Variants in ROBO2 observed in about 807,000 individuals in gnomAD.
ROBO2 encodes the protein roundabout guidance receptor 2.
In ROBO2, 53 loss-of-function variants were observed where a neutral mutation model predicts 160.8. That is an observed-to-expected ratio of 0.33 (90% CI 0.26 to 0.41). The LOEUF is 0.41. Ranked by LOEUF, ROBO2 falls within the 10% of genes least tolerant of loss-of-function variation. The pLI, the probability that ROBO2 is intolerant of heterozygous loss-of-function variation, is 1.00. For synonymous variants in ROBO2, 664 were observed against 611.7 expected, an observed-to-expected ratio of 1.09 and a Z score of -1.26; for missense variants, 1,577 against 1,722.4, an observed-to-expected ratio of 0.92 and a Z score of 1.49.
At chr3:76,837,882 T>C (rs1407855549) in intron 2 of ROBO2, among the ~76,000 whole-genome samples, 1 of 152,052 alleles carries the variant, frequency 6.6e-6, no homozygotes, top group Non-Finnish European at 1.5e-5. Context: ...TCATCTATGA[T>C]CCACTGGAAG....
intron 2 of ROBO2, among the ~76,000 whole-genome samples, chr3:76,515,482 T>C (rs2107803373): frequency 6.7e-6 from 1 of 150,310 alleles, no homozygotes; most frequent in South Asian, 2.1e-4. Context: ...TCATTATTTC[T>C]TACACGCCTG....
At chr3:76,485,088 G>A (rs972985616) in intron 2 of ROBO2, among the ~76,000 whole-genome samples, 3 of 151,992 alleles carry the variant, frequency 2.0e-5, no homozygotes, top group African/African-American at 4.8e-5. Context: ...CGGTGGTGGC[G>A]GGGATGGTTT....
intron 2 of ROBO2, among the ~76,000 whole-genome samples, chr3:76,119,960 TCCTTCCTTCCTTCCTC>T: frequency 7.2e-6 from 1 of 138,340 alleles, no homozygotes; most frequent in Non-Finnish European, 1.6e-5. Flanking sequence ...CTTCCTTCCT[TCCTTCCTTCCTTCCTC>T]TCTCTTTCTT....
intron 2 of ROBO2, among the ~76,000 whole-genome samples, chr3:77,421,218 T>A (rs1346106040): frequency 6.6e-6 from 1 of 152,174 alleles, no homozygotes; most frequent in Non-Finnish European, 1.5e-5. Context: ...CACAGGACAT[T>A]TGTTTTCCTG....
intron 2 of ROBO2, among the ~76,000 whole-genome samples, chr3:76,458,772 A>C (rs1577341588): frequency 1.3e-5 from 2 of 149,256 alleles, no homozygotes; most frequent in East Asian, 4.1e-4. Context: ...GGCAAGAGAA[A>C]ATGAGGAAGA....
At chr3:77,039,931 T>C in exon 1 of ROBO2, 1 of 202,894 alleles carries the variant, frequency 4.9e-6, no homozygotes, top group Non-Finnish European at 8.7e-6. Flanking sequence ...GCGCTCCCTT[T>C]CTCCGCCGCG....
chr3:76,218,661 A>G (rs1303701846), intron 2 of ROBO2, among the ~76,000 whole-genome samples: 7 of 152,218 alleles, frequency 4.6e-5, no homozygotes, highest in Non-Finnish European at 1.0e-4. Flanking sequence ...AGGAAATAAA[A>G]GACGATACAA....
chr3:77,487,211 T>A (rs2153595368), intron 4 of ROBO2, among the ~76,000 whole-genome samples: 1 of 152,228 alleles, frequency 6.6e-6, no homozygotes, highest in African/African-American at 2.4e-5. Flanking sequence ...ACATGAGGTG[T>A]TATTAAGATT....
intron 2 of ROBO2, among the ~76,000 whole-genome samples, chr3:76,597,082 A>G (rs1578406306): frequency 6.6e-6 from 1 of 152,278 alleles, no homozygotes; most frequent in East Asian, 1.9e-4. Context: ...AATGAATCCA[A>G]CATAAACCTC....
At chr3:76,807,225 A>G (rs1441045704) in intron 2 of ROBO2, among the ~76,000 whole-genome samples, 1 of 152,056 alleles carries the variant, frequency 6.6e-6, no homozygotes, top group Non-Finnish European at 1.5e-5. Flanking sequence ...TTTATTTTTC[A>G]GCATGTCAGT....
At chr3:77,645,716 T>C (rs1045021078) in intron 25 of ROBO2, among the ~76,000 whole-genome samples, 1 of 152,168 alleles carries the variant, frequency 6.6e-6, no homozygotes, top group African/African-American at 2.4e-5. Context: ...GTTGTCATTG[T>C]TGTTGACTAT....
rs148845556 is a variant in ROBO2, at chr3:77,163,880, T to C, written c.388+65540T>C. 4.1e-3 allele frequency among the ~76,000 whole-genome samples: 624 copies of C among 152,326 alleles called. 1 individual carries two copies. The highest frequency in any genetic ancestry group is 0.031 in the Middle Eastern group (9 of 292). ...GTCAAAAATGGTTTCTCTCAAAGGA[T>C]GGATGTATAGCTAGGCAGACATACA... is the stretch of plus-strand genomic sequence containing the variant. On this transcript the variant is annotated intron_variant, in intron 2 of 25. Transcript: ENST00000461745.
At position 77,579,485 on chromosome 3, in the gene ROBO2, A is replaced by G. The variant is rs369075469; in HGVS notation, c.2329-462A>G. Reference sequence around the variant, plus strand: ...TGAAATATAAATTACTTAGATGTCTACCTATATACCTTAGATATTACAACT... The same window carrying G: ...TGAAATATAAATTACTTAGATGTCTGCCTATATACCTTAGATATTACAACT... On this transcript the variant is annotated intron_variant, in intron 15 of 25. Transcript: ENST00000461745. Among the ~76,000 whole-genome samples the G allele has an allele frequency of 2.0e-5, 3 of 152,146 alleles. No individual in the cohort carries two copies. The East Asian group carries it at 5.8e-4, about 29-fold the overall frequency.
At chr3:77,148,563 A>G (rs2077297890) in intron 2 of ROBO2, among the ~76,000 whole-genome samples, 1 of 152,216 alleles carries the variant, frequency 6.6e-6, no homozygotes, top group Non-Finnish European at 1.5e-5. Flanking sequence ...CCATTCCTTA[A>G]TCAACACAGG....
intron 2 of ROBO2, among the ~76,000 whole-genome samples, chr3:76,870,953 A>T (rs2071978903): frequency 6.6e-6 from 1 of 152,214 alleles, no homozygotes; most frequent in Admixed American, 6.5e-5. Flanking sequence ...CAAAATACAT[A>T]GACATTTTTA....
chr3:76,592,949 C>A (rs2086510566), intron 2 of ROBO2, among the ~76,000 whole-genome samples: 1 of 152,064 alleles, frequency 6.6e-6, no homozygotes, highest in Non-Finnish European at 1.5e-5. Flanking sequence ...TTATGGTAGT[C>A]ATTATGCCTA....
chr3:77,577,594 G>A (rs2093802328), exon 15 of ROBO2: 1 of 1,613,288 alleles, frequency 6.2e-7, no homozygotes, highest in Non-Finnish European at 8.5e-7. Context: ...TCACCAGAAT[G>A]GAATTATCCA....
intron 2 of ROBO2, among the ~76,000 whole-genome samples, chr3:76,196,066 T>G (rs1305515285): frequency 2.6e-5 from 4 of 152,164 alleles, no homozygotes; most frequent in African/African-American, 9.7e-5. Context: ...ACAAGGAGCC[T>G]GGGTACATCA....
intron 2 of ROBO2, among the ~76,000 whole-genome samples, chr3:76,239,193 A>T (rs1277525450): frequency 3.3e-5 from 5 of 152,120 alleles, no homozygotes; most frequent in Admixed American, 6.6e-5. Flanking sequence ...AGAGAAATAA[A>T]TTTTTTTAAG....
Sources: allele counts gnomAD v4.1 joint callset (sites outside exome capture counted in the v4.1 genomes callset), GRCh38; gene constraint gnomAD v4.1.1; transcripts MANE v1.5; gene names NCBI Gene and HGNC (gene_info 2026-07-23, HGNC 2026-07-21).